Variants in FSTL1 observed in about 807,000 individuals in gnomAD.
The protein encoded by FSTL1 is follistatin like 1.
A neutral mutation model predicts 45.9 loss-of-function variants in FSTL1; 24 were observed. The ratio of observed to expected loss-of-function variants is 0.52; its 90% CI spans 0.38 to 0.74. FSTL1 has a LOEUF of 0.74. FSTL1 is among the 30% of genes least tolerant of loss of function. The pLI is 0.00. For synonymous variants in FSTL1, 120 were observed against 137.6 expected, an observed-to-expected ratio of 0.87 and a Z score of 0.89; for missense variants, 340 against 381.8, an observed-to-expected ratio of 0.89 and a Z score of 0.91.
intron 2 of FSTL1, among the ~76,000 whole-genome samples, chr3:120,434,752 A>G (rs1559743241): frequency 6.6e-6 from 1 of 152,180 alleles, no homozygotes; most frequent in Non-Finnish European, 1.5e-5. Flanking sequence ...GTTCCTTGGA[A>G]TTCAAGCCAT....
chr3:120,408,479 G>A (rs1054034790), intron 6 of FSTL1, among the ~76,000 whole-genome samples: 1 of 152,246 alleles, frequency 6.6e-6, no homozygotes, highest in Admixed American at 6.5e-5. Flanking sequence ...TATAGTGTCA[G>A]AAAGAGAAAT....
chr3:120,402,078 C>T (rs1936837736), intron 9 of FSTL1, among the ~76,000 whole-genome samples: 1 of 152,152 alleles, frequency 6.6e-6, no homozygotes, highest in Non-Finnish European at 1.5e-5. Flanking sequence ...AGATGGGACT[C>T]CAGTGGTTCC....
At chr3:120,399,065 A>G (rs1455832309) in intron 10 of FSTL1, among the ~76,000 whole-genome samples, 1 of 152,232 alleles carries the variant, frequency 6.6e-6, no homozygotes, top group Non-Finnish European at 1.5e-5. Flanking sequence ...AATATTTCAT[A>G]TCAATAGTTT....
At chr3:120,449,272 T>C (rs1393937244) in intron 2 of FSTL1, among the ~76,000 whole-genome samples, 2 of 152,168 alleles carry the variant, frequency 1.3e-5, no homozygotes, top group East Asian at 1.9e-4. Flanking sequence ...AAAACCTACA[T>C]TACAGGGTTT....
At chr3:120,426,950 A>C (rs1937393611) in intron 2 of FSTL1, among the ~76,000 whole-genome samples, 1 of 152,158 alleles carries the variant, frequency 6.6e-6, no homozygotes. Flanking sequence ...GCCACAGCAG[A>C]TTTAAGCTGT....
chr3:120,425,209 C>A (rs1379553270), intron 2 of FSTL1, among the ~76,000 whole-genome samples: 1 of 152,008 alleles, frequency 6.6e-6, no homozygotes, highest in African/African-American at 2.4e-5. Context: ...ACAGCCTGCA[C>A]AATGGTATGA....
rs1217709571 is a variant in FSTL1, at chr3:120,404,902, C to T, written c.532G>A (p.Ala178Thr). Residue 178 changes from alanine (A) to threonine (T), a missense_variant, in exon 7 of 11, where the codon GCC becomes ACC. Coordinates refer to ENST00000295633, the MANE Select transcript of FSTL1 (RefSeq NM_007085.5). ...TCTGGATACGTTGTAATATTGATGG[C>T]AGTTTCATTCTGTTCCACAAACTTC... ...FLKFVEQNET[A>T]INITTYPDQE... The T allele has an allele frequency of 6.2e-7, 1 of 1,605,128 alleles. No individual in the cohort carries two copies. The highest frequency in any genetic ancestry group is 1.3e-5 in the African/African-American group (1 of 74,876).
At chr3:120,415,134 A>G (rs1052257595) in intron 3 of FSTL1, among the ~76,000 whole-genome samples, 1 of 151,718 alleles carries the variant, frequency 6.6e-6, no homozygotes, top group Non-Finnish European at 1.5e-5. Context: ...AAAAAAAAAA[A>G]ACATTAAAAA....
intron 2 of FSTL1, among the ~76,000 whole-genome samples, chr3:120,430,451 C>T (rs1474825648): frequency 3.3e-5 from 5 of 152,194 alleles, no homozygotes; most frequent in Non-Finnish European, 5.9e-5. Context: ...TCAGGAGGGG[C>T]TCCTTAAAAC....
At chr3:120,403,973 C>CA (rs57809249) in intron 7 of FSTL1, among the ~76,000 whole-genome samples, 10,790 of 73,206 alleles carry the variant, frequency 0.15, 679 homozygotes, top group East Asian at 0.38. Flanking sequence ...AAAACAAAAA[C>CA]AAAAAAAAAC....
chr3:120,412,005 A>C, intron 3 of FSTL1, 22 bp from the exon 4 acceptor site: 1 of 1,601,188 alleles, frequency 6.2e-7, no homozygotes, highest in Non-Finnish European at 8.5e-7. Flanking sequence ...CCAAAAGAGA[A>C]TGTTTGTGCA....
chr3:120,399,499 G>A (rs1936772986), intron 10 of FSTL1, among the ~76,000 whole-genome samples: 1 of 152,176 alleles, frequency 6.6e-6, no homozygotes, highest in African/African-American at 2.4e-5. Flanking sequence ...ACAATGATGA[G>A]CAAGTTACAG....
chr3:120,422,183 G>A (rs1937289206), intron 2 of FSTL1, among the ~76,000 whole-genome samples: 1 of 152,144 alleles, frequency 6.6e-6, no homozygotes, highest in South Asian at 2.1e-4. Flanking sequence ...TCAACAAATG[G>A]TTTGTATATT....
At chr3:120,425,934 A>G (rs1937371662) in intron 2 of FSTL1, among the ~76,000 whole-genome samples, 1 of 152,198 alleles carries the variant, frequency 6.6e-6, no homozygotes, top group Non-Finnish European at 1.5e-5. Flanking sequence ...CTAGAATACT[A>G]TTAATAAATT....
At chr3:120,430,811 G>A (rs1039705677) in intron 2 of FSTL1, among the ~76,000 whole-genome samples, 18 of 152,228 alleles carry the variant, frequency 1.2e-4, no homozygotes, top group African/African-American at 4.3e-4. Context: ...TAGGTGAGAA[G>A]CTAGGGGAAT....
At chr3:120,412,838 G>GCGCGCACACACACACACACA (rs1429168694) in intron 3 of FSTL1, among the ~76,000 whole-genome samples, 1 of 106,192 alleles carries the variant, frequency 9.4e-6, no homozygotes, top group Admixed American at 9.1e-5. Flanking sequence ...GCGCGCGCGC[G>GCGCGCACACACACACACACA]CACACACACA....
chr3:120,398,141 G>A (rs1936740750), intron 10 of FSTL1, among the ~76,000 whole-genome samples: 1 of 152,172 alleles, frequency 6.6e-6, no homozygotes, highest in Non-Finnish European at 1.5e-5. Flanking sequence ...TTCTTTCTGG[G>A]ATAATGAAAA....
intron 2 of FSTL1, among the ~76,000 whole-genome samples, chr3:120,433,475 T>C (rs2107667482): frequency 6.6e-6 from 1 of 152,320 alleles, no homozygotes; most frequent in Non-Finnish European, 1.5e-5. Flanking sequence ...TATTAATCCA[T>C]TTAGCTAGTG....
chr3:120,446,921 C>G (rs1252261593), intron 2 of FSTL1, among the ~76,000 whole-genome samples: 1 of 152,172 alleles, frequency 6.6e-6, no homozygotes, highest in Non-Finnish European at 1.5e-5. Context: ...GGATCCCTTA[C>G]TGGAATGAGG....
Sources: gnomAD v4.1 joint callset for allele counts (sites outside exome capture counted in the v4.1 genomes callset) on GRCh38, gnomAD v4.1.1 for gene constraint, MANE v1.5 for transcripts, NCBI Gene and HGNC (gene_info 2026-07-23, HGNC 2026-07-21) for gene names.